The following ZC3H15 variants were observed in gnomAD, a reference collection of about 807,000 sequenced individuals.
The protein encoded by ZC3H15 is zinc finger CCCH-type containing 15.
A neutral mutation model predicts 51.2 loss-of-function variants in ZC3H15; 15 were observed. That is an observed-to-expected ratio of 0.29 (90% CI 0.20 to 0.45). The LOEUF (loss-of-function observed/expected upper bound fraction) is 0.45, where lower values mean the gene tolerates loss of function less well. ZC3H15 is among the 20% of genes least tolerant of loss of function. The probability of loss-of-function intolerance (pLI) is 1.00; values close to 1 mark genes in which losing one functional copy is unlikely to be tolerated. For missense variants in ZC3H15, 381 were observed against 494.7 expected (o/e 0.77, Z 2.18); for synonymous variants, 144 against 162.8 (o/e 0.88, Z 0.88).
rs574862053 is a variant in ZC3H15 at position 186,487,374 on chromosome 2, C to G, written c.75+917C>G. The G allele has an allele frequency of 1.3e-3, 202 of 152,244 alleles. 1 individual carries two copies. Among genetic ancestry groups the G allele is most frequent in the African/African-American group, 4.7e-3 (194 of 41,538 alleles). 9.4% of individuals were successfully genotyped at this position (152,244 alleles called of 1,614,324 possible). A position where few individuals can be genotyped will look rare whatever the true frequency, so the allele number is the denominator to read the frequency against. On this transcript the variant is annotated intron_variant, in intron 1 of 9. Transcript: ENST00000337859. ...GACCCCAACGAGGTATTTCTTCCCT[C>G]GATTTCTGCTATTAATCCTCCTCAT...
rs1417603781 is a variant in ZC3H15, at chr2:186,505,858, T to C, written c.966+17T>C. 1 of 1,610,766 alleles carries C rather than the reference T, an allele frequency of 6.2e-7. No individual in the cohort carries two copies. The highest frequency in any genetic ancestry group is 8.5e-7 in the Non-Finnish European group (1 of 1,177,762). On this transcript the variant is annotated intron_variant, in intron 8 of 9. Transcript: ENST00000337859. ...GGTGATGAGGTAAGAGGAAGCTTTGTGCCTCATCTCCTTATGTTAATTGAA... is the reference window on the plus strand; with the variant it reads ...GGTGATGAGGTAAGAGGAAGCTTTGCGCCTCATCTCCTTATGTTAATTGAA...
At chr2:186,500,107 T>C (rs1231760522) in intron 2 of ZC3H15, 75 bp from the exon 3 acceptor site, 15 of 1,233,088 alleles carry the variant, frequency 1.2e-5, no homozygotes, top group African/African-American at 1.5e-5. Flanking sequence ...TGTCTTGTTA[T>C]GGTAATGCTA....
Position 186,486,292 on chromosome 2 carries a change from C to T in ZC3H15, c.-91C>T. 9 of 1,322,044 alleles carry T rather than the reference C, an allele frequency of 6.8e-6. No homozygotes were observed. The highest frequency in any genetic ancestry group is 8.9e-6 in the Non-Finnish European group (9 of 1,006,766). 81.9% of individuals were successfully genotyped at this position (1,322,044 alleles called of 1,614,324 possible). ...TTTCCGTGCGGTGCGGCGAGTGAGG[C>T]CCCGGTCTTCCTCCTCGTCCTGCCG... On this transcript the variant is annotated 5_prime_UTR_variant, in exon 1 of 10. Transcript: ENST00000337859.
At chr2:186,496,762 AC>A (rs1334831480) in intron 2 of ZC3H15, among the ~76,000 whole-genome samples, 1 of 152,210 alleles carries the variant, frequency 6.6e-6, no homozygotes, top group Non-Finnish European at 1.5e-5. Context: ...ACAGCATGTT[AC>A]TGTACTGAAT....
At chr2:186,497,522 A>G (rs931354286) in intron 2 of ZC3H15, among the ~76,000 whole-genome samples, 1 of 152,220 alleles carries the variant, frequency 6.6e-6, no homozygotes, top group Admixed American at 6.5e-5. Context: ...TTTTTGTTAC[A>G]TGATCCTTAA....
intron 6 of ZC3H15, 116 bp from the exon 7 acceptor site, chr2:186,505,335 T>G: frequency 8.2e-7 from 1 of 1,224,692 alleles, no homozygotes; most frequent in Non-Finnish European, 1.1e-6. Flanking sequence ...CTTATTCCAA[T>G]GTAATATCTT....
chr2:186,490,435 A>AAG (rs1685177661), intron 1 of ZC3H15, among the ~76,000 whole-genome samples: 1 of 152,216 alleles, frequency 6.6e-6, no homozygotes. Context: ...TGAAAGATGG[A>AAG]GCAAGAGAAA....
intron 2 of ZC3H15, among the ~76,000 whole-genome samples, chr2:186,498,138 C>T (rs1284027582): frequency 6.6e-6 from 1 of 152,166 alleles, no homozygotes; most frequent in Non-Finnish European, 1.5e-5. Context: ...TCTGAGGTAG[C>T]CAAGAGAACA....
At chr2:186,505,712 GA>G in intron 7 of ZC3H15, 27 bp from the exon 8 acceptor site, 1 of 1,609,274 alleles carries the variant, frequency 6.2e-7, no homozygotes, top group South Asian at 1.1e-5. Context: ...TTTTTGTCCT[GA>G]GTTGATATAT....
At chr2:186,500,837 G>A (rs1206165139) in intron 3 of ZC3H15, among the ~76,000 whole-genome samples, 1 of 152,110 alleles carries the variant, frequency 6.6e-6, no homozygotes, top group Non-Finnish European at 1.5e-5. Flanking sequence ...ACCACGCCCA[G>A]CTAGTTTTTG....
intron 4 of ZC3H15, 98 bp from the exon 5 acceptor site, chr2:186,502,398 G>A: frequency 1.0e-6 from 1 of 994,996 alleles, no homozygotes; most frequent in Non-Finnish European, 1.5e-6. Context: ...AATGTGTTAA[G>A]CCATGAGTCT....
chr2:186,508,555 G>C lies in ZC3H15; in HGVS notation c.1103G>C (p.Ser368Thr), dbSNP rs1408638025. Residue 368 changes from serine to threonine, a missense_variant, in exon 10 of 10, where the codon AGT becomes ACT. Around this residue, in one of 3 missense-constraint regions of ZC3H15, gnomAD observed 215 missense variants for 241.8 expected, o/e 0.89. Coordinates refer to ENST00000337859, the MANE Select transcript of ZC3H15 (RefSeq NM_018471.3). Reference protein sequence around the residue: ...YTSDKDENKLSEASGGRAENG... With the variant: ...YTSDKDENKLTEASGGRAENG... Reference sequence around the variant, plus strand: ...TTTTTATATTTAGAAAACAAATTAAGTGAAGCTTCTGGAGGTAGGGCTGAA... The same window carrying C: ...TTTTTATATTTAGAAAACAAATTAACTGAAGCTTCTGGAGGTAGGGCTGAA... 1 of 1,613,540 alleles carries C rather than the reference G, an allele frequency of 6.2e-7. No homozygotes were observed. The highest frequency in any genetic ancestry group is 8.5e-7 in the Non-Finnish European group (1 of 1,179,818).
chr2:186,490,553 T>C (rs761481767), intron 1 of ZC3H15, among the ~76,000 whole-genome samples: 6 of 152,184 alleles, frequency 3.9e-5, no homozygotes, highest in Non-Finnish European at 8.8e-5. Flanking sequence ...ACAACAAGAA[T>C]ACATTAGTGC....
At chr2:186,500,099 T>A in intron 2 of ZC3H15, 83 bp from the exon 3 acceptor site, 1 of 1,137,506 alleles carries the variant, frequency 8.8e-7, no homozygotes, top group Non-Finnish European at 1.3e-6. Context: ...TATGCAAGTG[T>A]CTTGTTATGG....
intron 6 of ZC3H15, among the ~76,000 whole-genome samples, chr2:186,504,760 T>G (rs1685441771): frequency 6.6e-6 from 1 of 152,198 alleles, no homozygotes; most frequent in South Asian, 2.1e-4. Flanking sequence ...ATTAGAAACA[T>G]TAGATTTAGG....
intron 9 of ZC3H15, chr2:186,507,509 A>G (rs1414494675): frequency 4.4e-6 from 2 of 456,338 alleles, no homozygotes; most frequent in Admixed American, 4.7e-5. Context: ...AAGATTAGTT[A>G]TAGAAGCAAT....
In ZC3H15 at chr2:186,500,289, T is replaced by TA; in HGVS notation, c.288dup (p.Gly97ArgfsTer19). On this transcript the variant is annotated frameshift_variant, in exon 3 of 10. Transcript: ENST00000337859. LOFTEE classifies it high-confidence loss of function. ...CTGTAGTTGCTGCTCAAAAAATAAG[T>TA]AAAGGTAAACTTAAAATTTCAGAAG... 1 of 1,601,338 alleles carries TA rather than the reference T, an allele frequency of 6.2e-7. No homozygotes were observed. The highest frequency in any genetic ancestry group is 8.5e-7 in the Non-Finnish European group (1 of 1,175,988).
chr2:186,499,733 T>G (rs1313749029), intron 2 of ZC3H15: 2 of 376,322 alleles, frequency 5.3e-6, no homozygotes, highest in African/African-American at 4.3e-5. Context: ...TTTAATATCC[T>G]ACATTGACCT....
At chr2:186,500,942 G>A (rs751130393) in intron 3 of ZC3H15, among the ~76,000 whole-genome samples, 14 of 152,132 alleles carry the variant, frequency 9.2e-5, no homozygotes, top group Non-Finnish European at 2.1e-4. Flanking sequence ...CAGAGTGCTG[G>A]AATTACAGGT....
Sources: allele counts gnomAD v4.1 joint callset (sites outside exome capture counted in the v4.1 genomes callset), GRCh38; gene constraint gnomAD v4.1.1; regional missense constraint gnomAD v4.1.1; transcripts MANE v1.5; gene names NCBI Gene and HGNC (gene_info 2026-07-23, HGNC 2026-07-21).